MSANTD3: variants seen among roughly 807,000 people sequenced by gnomAD.
MSANTD3 encodes Myb/SANT DNA binding domain containing 3, also known as myb/SANT-like DNA-binding domain-containing protein 3.
In MSANTD3, 11 loss-of-function variants were observed where a neutral mutation model predicts 27.7. The observed-to-expected ratio is 0.40, with a 90% CI of 0.25 to 0.66. MSANTD3 has a LOEUF of 0.66. Ranked by LOEUF, MSANTD3 falls within the 30% of genes least tolerant of loss-of-function variation. The probability of loss-of-function intolerance (pLI) is 0.41; values close to 1 mark genes in which losing one functional copy is unlikely to be tolerated. For synonymous variants in MSANTD3, 131 were observed against 127.2 expected (o/e 1.03, Z -0.20); for missense variants, 250 against 336.5 (o/e 0.74, Z 2.01).
Position 100,448,914 on chromosome 9 carries a change from T to C in MSANTD3, c.419-1643T>C, listed in dbSNP as rs1402190156. On this transcript the variant is annotated intron_variant, in intron 2 of 2. Transcript: ENST00000395067. ...TTTAATCGTAATTAGGGACTAGTTA[T>C]GATTGTTACTTTACCTCTTGGAGTG... 5 of 984,228 alleles carry C rather than the reference T, an allele frequency of 5.1e-6. No individual in the cohort carries two copies. The Admixed American group carries it at 2.5e-4, about 48-fold the overall frequency. The allele number at this position is 984,228 out of a possible 1,614,324, so 61.0% of individuals were successfully genotyped here.
chr9:100,442,489 A>G (rs765007074), intron 2 of MSANTD3, 133 bp downstream of exon 2: 1 of 1,384,686 alleles, frequency 7.2e-7, no homozygotes, highest in Non-Finnish European at 9.5e-7. Context: ...CTAATTCAAG[A>G]TCTCAGGATT....
Position 100,450,531 on chromosome 9 carries a change from A to G in MSANTD3, c.419-26A>G, listed in dbSNP as rs1836861355. ...TTCTCTGCCTGTAAAATCTTTGAAC[A>G]TATGTTTTCTGCTACTGTTTTTCAG... is the stretch of plus-strand genomic sequence containing the variant. On this transcript the variant is annotated intron_variant, in intron 2 of 2. Transcript: ENST00000395067. The G allele has an allele frequency of 2.6e-6, 4 of 1,513,800 alleles. No homozygotes were observed. In the South Asian group the frequency reaches 4.1e-5, roughly 16 times the overall value. The allele number at this position is 1,513,800 out of a possible 1,614,324, so 93.8% of individuals were successfully genotyped here.
At chr9:100,437,149 G>A (rs759182074) in intron 1 of MSANTD3, among the ~76,000 whole-genome samples, 12 of 152,128 alleles carry the variant, frequency 7.9e-5, no homozygotes, top group Non-Finnish European at 1.6e-4. Flanking sequence ...TTATTTCAGA[G>A]CTCTGGTTAG....
intron 1 of MSANTD3, among the ~76,000 whole-genome samples, chr9:100,430,269 C>T (rs969647737): frequency 1.3e-5 from 2 of 148,260 alleles, no homozygotes; most frequent in South Asian, 2.2e-4. Flanking sequence ...GAAAATGGGC[C>T]GGGCGCGGTG....
At chr9:100,444,990 G>A in intron 2 of MSANTD3, 1 of 537,840 alleles carries the variant, frequency 1.9e-6, no homozygotes, top group Non-Finnish European at 3.3e-6. Flanking sequence ...TTAAAGCATA[G>A]CCAAATGCTC....
chr9:100,431,191 G>A (rs1587781892), intron 1 of MSANTD3, among the ~76,000 whole-genome samples: 3 of 151,720 alleles, frequency 2.0e-5, no homozygotes, highest in South Asian at 4.2e-4. Context: ...TAGTAGAGAC[G>A]GGGTTTTTCC....
chr9:100,443,691 A>G (rs1836685209), intron 2 of MSANTD3, among the ~76,000 whole-genome samples: 2 of 152,260 alleles, frequency 1.3e-5, no homozygotes, highest in South Asian at 2.1e-4. Flanking sequence ...CATAGCTTCA[A>G]AAGGTTGGAA....
At chr9:100,438,046 C>T (rs1836516936) in intron 1 of MSANTD3, among the ~76,000 whole-genome samples, 1 of 152,152 alleles carries the variant, frequency 6.6e-6, no homozygotes, top group African/African-American at 2.4e-5. Flanking sequence ...ACAAGTCCAC[C>T]ACCACCTAGT....
Position 100,451,068 on chromosome 9 carries a change from A to T in MSANTD3, c.*102A>T, listed in dbSNP as rs929683651. On this transcript the variant is annotated 3_prime_UTR_variant, in exon 3 of 3. Coordinates refer to ENST00000395067, the MANE Select transcript of MSANTD3 (RefSeq NM_080655.3). ...CCTGTAACAGAGCTACAACTAGGAAAATTAGAGTGGTAGTAGTCACTTATT... is the reference window on the plus strand; with the variant it reads ...CCTGTAACAGAGCTACAACTAGGAATATTAGAGTGGTAGTAGTCACTTATT... The T allele has an allele frequency of 4.1e-5, 48 of 1,169,936 alleles. No homozygotes were observed. Among genetic ancestry groups the T allele is most frequent in the Non-Finnish European group, 5.5e-5 (46 of 830,818 alleles). 72.5% of individuals were successfully genotyped at this position (1,169,936 alleles called of 1,614,324 possible).
chr9:100,444,325 C>G (rs905367627), intron 2 of MSANTD3: 1 of 152,200 alleles, frequency 6.6e-6, no homozygotes, highest in African/African-American at 2.4e-5. Flanking sequence ...CCTGAGTTCC[C>G]AAGCCAGGGT....
At position 100,451,238 on chromosome 9, in the gene MSANTD3, G is replaced by A. The variant is rs1232559897; in HGVS notation, c.*272G>A. ...ATTAGAATTCATACAAGAACCACGT[G>A]TGAGTGTTGTTGTTGTTGTTTTTTT... is the stretch of plus-strand genomic sequence containing the variant. On this transcript the variant is annotated 3_prime_UTR_variant, in exon 3 of 3. Coordinates refer to ENST00000395067, the MANE Select transcript of MSANTD3 (RefSeq NM_080655.3). The A allele has an allele frequency of 3.0e-6, 1 of 333,756 alleles. No individual in the cohort carries two copies. Among genetic ancestry groups the A allele is most frequent in the East Asian group, 4.7e-5 (1 of 21,428 alleles). 20.7% of individuals were successfully genotyped at this position (333,756 alleles called of 1,614,324 possible).
chr9:100,431,468 T>G (rs545527716), intron 1 of MSANTD3, among the ~76,000 whole-genome samples: 32 of 151,908 alleles, frequency 2.1e-4, no homozygotes, highest in African/African-American at 7.5e-4. Context: ...CCTGGCTAAT[T>G]TTTTAATTTT....
chr9:100,432,277 A>G (rs1836393518), intron 1 of MSANTD3, among the ~76,000 whole-genome samples: 1 of 152,174 alleles, frequency 6.6e-6, no homozygotes, highest in Non-Finnish European at 1.5e-5. Flanking sequence ...AAGAAGGTAG[A>G]GAGGCAGAGA....
At chr9:100,443,483 A>G (rs1352772088) in intron 2 of MSANTD3, among the ~76,000 whole-genome samples, 1 of 152,148 alleles carries the variant, frequency 6.6e-6, no homozygotes, top group Non-Finnish European at 1.5e-5. Flanking sequence ...ATTCACCCAG[A>G]TTAAAAACCA....
chr9:100,438,230 C>A (rs568504383), intron 1 of MSANTD3, among the ~76,000 whole-genome samples: 1 of 152,222 alleles, frequency 6.6e-6, no homozygotes, highest in African/African-American at 2.4e-5. Context: ...TTTACTTCCA[C>A]AGTTGGCACA....
intron 2 of MSANTD3, among the ~76,000 whole-genome samples, chr9:100,449,389 A>G (rs1405233794): frequency 6.6e-6 from 1 of 152,238 alleles, no homozygotes; most frequent in Non-Finnish European, 1.5e-5. Context: ...AAGGATTAAA[A>G]AAAGAGAATG....
chr9:100,432,419 A>G (rs1189357313), intron 1 of MSANTD3, among the ~76,000 whole-genome samples: 4 of 152,216 alleles, frequency 2.6e-5, no homozygotes, highest in Non-Finnish European at 5.9e-5. Flanking sequence ...GAGGCTCTTA[A>G]AACATTGCCA....
At position 100,451,590 on chromosome 9, in the gene MSANTD3, T is replaced by C. The variant is rs1836890943; in HGVS notation, c.*624T>C. 1 of 152,086 alleles carries C rather than the reference T, an allele frequency of 6.6e-6. No homozygotes were observed. Among genetic ancestry groups the C allele is most frequent in the Admixed American group, 6.6e-5 (1 of 15,262 alleles). The allele number at this position is 152,086 out of a possible 1,614,324, so 9.4% of individuals were successfully genotyped here. A position where few individuals can be genotyped will look rare whatever the true frequency, so the allele number is the denominator to read the frequency against. ...CTCATAAACCACCTTTTAAGGCCTT[T>C]CCTCAAACAGGAGTTCTAAATAAGT... On this transcript the variant is annotated 3_prime_UTR_variant, in exon 3 of 3. Coordinates refer to ENST00000395067, the MANE Select transcript of MSANTD3 (RefSeq NM_080655.3).
chr9:100,451,247 G>T lies in MSANTD3; in HGVS notation c.*281G>T. 1 of 294,994 alleles carries T rather than the reference G, an allele frequency of 3.4e-6. No homozygotes were observed. The highest frequency in any genetic ancestry group is 6.2e-6 in the Non-Finnish European group (1 of 161,426). The allele number at this position is 294,994 out of a possible 1,614,324, so 18.3% of individuals were successfully genotyped here. A position where few individuals can be genotyped will look rare whatever the true frequency, so the allele number is the denominator to read the frequency against. On this transcript the variant is annotated 3_prime_UTR_variant, in exon 3 of 3. Coordinates refer to ENST00000395067, the MANE Select transcript of MSANTD3 (RefSeq NM_080655.3). ...CATACAAGAACCACGTGTGAGTGTT[G>T]TTGTTGTTGTTTTTTTTTTTAATCA...
Sources: gnomAD v4.1 joint callset for allele counts (sites outside exome capture counted in the v4.1 genomes callset) on GRCh38, gnomAD v4.1.1 for gene constraint, MANE v1.5 for transcripts, NCBI Gene and HGNC (gene_info 2026-07-23, HGNC 2026-07-21) for gene names.